CARD14: variants seen among roughly 807,000 people sequenced by gnomAD.
CARD14 encodes caspase recruitment domain family member 14, also known as caspase recruitment domain-containing protein 14.
CARD14 carries 107 observed loss-of-function variants against 111.5 expected under a neutral mutation model. The observed-to-expected ratio is 0.96, with a 90% confidence interval of 0.82 to 1.13. The LOEUF (loss-of-function observed/expected upper bound fraction) is 1.13, where lower values mean the gene tolerates loss of function less well. Among genes scored for constraint, CARD14 ranks in the 50% most tolerant of loss-of-function variants. The pLI is 0.00. For missense variants in CARD14, 1,322 were observed against 1,362.3 expected (o/e 0.97, Z 0.47); for synonymous variants, 617 against 579.6 (o/e 1.06, Z -0.93).
rs746635931 is a variant in CARD14 at position 80,204,258 on chromosome 17, G to A, written c.2315G>A (p.Arg772His). 109 of 1,597,086 alleles carry A rather than the reference G, an allele frequency of 6.8e-5. No homozygotes were observed. Among genetic ancestry groups the A allele is most frequent in the Non-Finnish European group, 8.6e-5 (100 of 1,167,138 alleles). The part of the protein sequence containing the change: ...PSSGGPQKLV[R>H]IVSMDKAKAS... ...TCTGGGGGACCACAGAAGCTGGTCC[G>A]CATCGTCAGTATGGACAAAGCCAAG... Residue 772 changes from arginine to histidine, a missense_variant, in exon 20 of 24, where the codon CGC becomes CAC. Physicochemically the swap from Arg to His is conservative, Grantham distance 29. Transcript: ENST00000648509.
intron 22 of CARD14, 96 bp from the exon 23 acceptor site, chr17:80,206,874 G>C (rs2041347707): frequency 2.7e-6 from 2 of 732,326 alleles, no homozygotes; most frequent in Admixed American, 5.7e-5. Context: ...CCTGCCCTCA[G>C]CCTGTCCGGA....
At chr17:80,190,670 T>A in intron 9 of CARD14, 104 bp from the exon 10 acceptor site, 1 of 1,274,726 alleles carries the variant, frequency 7.8e-7, no homozygotes. Context: ...ATTTCATCCC[T>A]AGAACTGTCT....
Position 80,207,020 on chromosome 17 carries a change from C to G in CARD14, c.2742C>G (p.His914Gln), listed in dbSNP as rs759807969. 3.1e-6 allele frequency: 5 copies of G among 1,613,964 alleles called. No homozygotes were observed. In the East Asian group the frequency reaches 6.7e-5, roughly 22 times the overall value. Residue 914 changes from histidine (H) to glutamine (Q), a missense_variant, in exon 23 of 24, where the codon CAC (histidine) becomes CAG (glutamine). Transcript: ENST00000648509. ...DVQLDSVCTLHRMDIFPIVIH... is the reference protein window; with the variant it reads ...DVQLDSVCTLQRMDIFPIVIH... ...AGCTGGACAGTGTCTGCACCCTGCA[C>G]AGGATGGACATCTTCCCCATCGTCA... is the stretch of plus-strand genomic sequence containing the variant.
chr17:80,180,395 C>A (rs570934554), intron 4 of CARD14, among the ~76,000 whole-genome samples: 1 of 152,284 alleles, frequency 6.6e-6, no homozygotes, highest in African/African-American at 2.4e-5. Context: ...AAGCCCACAC[C>A]CCCCGCAGCC....
At chr17:80,176,437 C>A (rs1455052859) in intron 2 of CARD14, among the ~76,000 whole-genome samples, 1 of 55,248 alleles carries the variant, frequency 1.8e-5, no homozygotes, top group Non-Finnish European at 3.3e-5. Flanking sequence ...AAGACCTTGT[C>A]TCAAAAAAAA....
rs2040803406 is a variant in CARD14 at position 80,198,503 on chromosome 17, G to A, written c.1763G>A (p.Gly588Glu). 1 of 1,613,210 alleles carries A rather than the reference G, an allele frequency of 6.2e-7. No homozygotes were observed. Among genetic ancestry groups the A allele is most frequent in the South Asian group, 1.1e-5 (1 of 91,078 alleles). ...CTGGAGCAGATCAGCGTCATCGGCG[G>A]GAACCTCACGGGCATCTTCATCCAC... is the stretch of plus-strand genomic sequence containing the variant. ...ALLEQISVIG[G>E]NLTGIFIHRV... The change falls in exon 16 of 24, where the codon GGG becomes GAG. Residue 588 changes from glycine to glutamate, a missense_variant. Transcript: ENST00000648509. The surrounding 1 kb of genome is among the most constrained non-coding windows in gnomAD (Gnocchi z 7.5).
chr17:80,180,748 TTGTTTGTTTGTTTGTTTGTG>T (rs1445985019), intron 4 of CARD14, among the ~76,000 whole-genome samples: 1 of 143,276 alleles, frequency 7.0e-6, no homozygotes, highest in Admixed American at 6.8e-5. Context: ...TGTTATTTGT[TTGTTTGTTTGTTTGTTTGTG>T]TGTTTGTTTA....
intron 11 of CARD14, 76 bp downstream of exon 11, chr17:80,191,548 G>C (rs978994615): frequency 6.4e-7 from 1 of 1,555,306 alleles, no homozygotes; most frequent in Non-Finnish European, 8.7e-7. Flanking sequence ...TGGGCTCCAG[G>C]GTGGCCCATG....
At chr17:80,191,301 T>A in intron 10 of CARD14, 22 bp from the exon 11 acceptor site, 1 of 1,601,086 alleles carries the variant, frequency 6.2e-7, no homozygotes, top group Non-Finnish European at 8.6e-7. Flanking sequence ...CGCGGCCTCC[T>A]TACTCCCGTC....
chr17:80,177,693 CA>C (rs561727502), intron 2 of CARD14, among the ~76,000 whole-genome samples: 10 of 150,260 alleles, frequency 6.7e-5, no homozygotes, highest in South Asian at 2.1e-4. Context: ...GACTCTGTCT[CA>C]AAAAAAAAAA....
In CARD14 at chr17:80,192,919, T is replaced by G. The variant is rs563231337; in HGVS notation, c.1356+300T>G. 6.6e-5 allele frequency among the ~76,000 whole-genome samples: 10 copies of G among 152,196 alleles called. No homozygotes were observed. In the South Asian group the frequency reaches 2.1e-3, roughly 32 times the overall value. ...GACACCTGCCACCATGCCCAGCTAATTTTTGTGTTTTTAGTAGAGAGGGTT... is the reference window on the plus strand; with the variant it reads ...GACACCTGCCACCATGCCCAGCTAAGTTTTGTGTTTTTAGTAGAGAGGGTT... On this transcript the variant is annotated intron_variant, in intron 12 of 23. Coordinates refer to ENST00000648509, the MANE Select transcript of CARD14 (RefSeq NM_001366385.1).
chr17:80,202,101 C>T, intron 17 of CARD14, 79 bp from the exon 18 acceptor site: 1 of 1,361,136 alleles, frequency 7.3e-7, no homozygotes, highest in Non-Finnish European at 1.0e-6. Flanking sequence ...TTCCTTCTCT[C>T]CTACTTTAAT....
intron 4 of CARD14, among the ~76,000 whole-genome samples, chr17:80,180,142 T>G (rs1039882474): frequency 6.6e-6 from 1 of 152,106 alleles, no homozygotes; most frequent in Non-Finnish European, 1.5e-5. Context: ...ACACAGCTCA[T>G]CTCTCGCTGG....
intron 20 of CARD14, chr17:80,204,737 G>A (rs771347404): frequency 5.4e-5 from 23 of 425,796 alleles, no homozygotes; most frequent in Non-Finnish European, 7.5e-5. Flanking sequence ...CCTTTGGAAG[G>A]AAGAAAACCC....
chr17:80,197,741 CCT>C (rs2040768457), intron 14 of CARD14, among the ~76,000 whole-genome samples: 1 of 152,192 alleles, frequency 6.6e-6, no homozygotes, highest in Non-Finnish European at 1.5e-5. Context: ...GTGAAACCTC[CCT>C]GTCTTTCAAA....
chr17:80,205,729 A>C, intron 22 of CARD14, 77 bp downstream of exon 22: 3 of 1,420,706 alleles, frequency 2.1e-6, no homozygotes, highest in Non-Finnish European at 1.9e-6. Context: ...GGATGAGATA[A>C]AGGTACAGGG....
chr17:80,190,919 C>T lies in CARD14; in HGVS notation c.1089+20C>T. The T allele has an allele frequency of 6.2e-7, 1 of 1,608,670 alleles. No homozygotes were observed. Among genetic ancestry groups the T allele is most frequent in the Non-Finnish European group, 8.5e-7 (1 of 1,178,142 alleles). ...GACCAGGTACCTGAGAGGCCGGGCC[C>T]ACCCCGCCACCCCATGCTTGCTTCC... On this transcript the variant is annotated intron_variant, in intron 10 of 23. Coordinates refer to ENST00000648509, the MANE Select transcript of CARD14 (RefSeq NM_001366385.1).
At chr17:80,206,865 C>T in intron 22 of CARD14, 105 bp from the exon 23 acceptor site, 1 of 634,582 alleles carries the variant, frequency 1.6e-6, no homozygotes, top group Non-Finnish European at 2.7e-6. Context: ...AGCTCCTGCC[C>T]TGCCCTCAGC....
At chr17:80,207,914 G>A (rs2041428913) in intron 23 of CARD14, among the ~76,000 whole-genome samples, 1 of 151,936 alleles carries the variant, frequency 6.6e-6, no homozygotes, top group Non-Finnish European at 1.5e-5. Flanking sequence ...GACAGACCAA[G>A]ATGTCCTGCT....
Sources: allele counts gnomAD v4.1 joint callset (sites outside exome capture counted in the v4.1 genomes callset), GRCh38; gene constraint gnomAD v4.1.1; non-coding constraint Gnocchi (gnomAD v3.1); transcripts MANE v1.5; gene names NCBI Gene and HGNC (gene_info 2026-07-23, HGNC 2026-07-21).